The following EFNA5 variants were observed in gnomAD, a reference collection of about 807,000 sequenced individuals.
The protein encoded by EFNA5 is ephrin A5.
Under a neutral mutation model 22.9 loss-of-function variants are expected in EFNA5, and 5 were observed. That is an observed-to-expected ratio of 0.22 (90% CI 0.11 to 0.46). The LOEUF (loss-of-function observed/expected upper bound fraction) is 0.46. EFNA5 is among the 20% of genes least tolerant of loss of function. The pLI is 0.99. For missense variants in EFNA5, 237 were observed against 293.3 expected (o/e 0.81, Z 1.40); for synonymous variants, 113 against 112.2 (o/e 1.01, Z -0.04).
intron 1 of EFNA5, among the ~76,000 whole-genome samples, chr5:107,517,158 TAAA>T (rs76124762): frequency 2.2e-5 from 3 of 136,296 alleles, no homozygotes; most frequent in African/African-American, 5.4e-5. Context: ...ACACTGTTAC[TAAA>T]AAAAAAAAAA....
chr5:107,420,182 T>C (rs1374806916), intron 2 of EFNA5, among the ~76,000 whole-genome samples: 1 of 152,124 alleles, frequency 6.6e-6, no homozygotes, highest in Non-Finnish European at 1.5e-5. Flanking sequence ...CTTAAGAATA[T>C]AGGAAATGGT....
intron 1 of EFNA5, among the ~76,000 whole-genome samples, chr5:107,546,897 T>G (rs1748170685): frequency 6.6e-6 from 1 of 152,172 alleles, no homozygotes; most frequent in African/African-American, 2.4e-5. Context: ...TGTTCTAACA[T>G]GCCAATGAAT....
intron 1 of EFNA5, among the ~76,000 whole-genome samples, chr5:107,465,379 C>T (rs1425298841): frequency 6.6e-6 from 1 of 152,100 alleles, no homozygotes; most frequent in Non-Finnish European, 1.5e-5. Context: ...TTATGTAGAA[C>T]ATTAGAAGAG....
chr5:107,408,566 A>G (rs1436548099), intron 2 of EFNA5, among the ~76,000 whole-genome samples: 1 of 152,224 alleles, frequency 6.6e-6, no homozygotes, highest in East Asian at 1.9e-4. Flanking sequence ...CAAGGGGATA[A>G]AACCAACATT....
intron 1 of EFNA5, among the ~76,000 whole-genome samples, chr5:107,568,647 T>C (rs926771764): frequency 4.6e-5 from 7 of 152,190 alleles, no homozygotes; most frequent in Non-Finnish European, 1.0e-4. Flanking sequence ...GACATAGACA[T>C]AGACTTTCTA....
chr5:107,459,484 C>A (rs1361927409), intron 1 of EFNA5, among the ~76,000 whole-genome samples: 1 of 151,982 alleles, frequency 6.6e-6, no homozygotes, highest in African/African-American at 2.4e-5. Flanking sequence ...ATCCTATGTT[C>A]ATGTTTTATA....
chr5:107,566,761 T>C (rs1417455195), intron 1 of EFNA5, among the ~76,000 whole-genome samples: 3 of 152,166 alleles, frequency 2.0e-5, no homozygotes. Context: ...ACCATTTGGG[T>C]TTTAGGTTTT....
chr5:107,414,182 G>A (rs905991549), intron 2 of EFNA5, among the ~76,000 whole-genome samples: 9 of 152,310 alleles, frequency 5.9e-5, no homozygotes, highest in African/African-American at 1.9e-4. Flanking sequence ...CTTTATGGAA[G>A]TGGGTTCCAA....
chr5:107,436,824 C>T (rs1382230235), intron 1 of EFNA5, among the ~76,000 whole-genome samples: 1 of 152,188 alleles, frequency 6.6e-6, no homozygotes, highest in Admixed American at 6.5e-5. Flanking sequence ...ACCTGTCAAA[C>T]TGCTTACTTC....
chr5:107,555,141 A>C (rs1198408900), intron 1 of EFNA5, among the ~76,000 whole-genome samples: 1 of 152,240 alleles, frequency 6.6e-6, no homozygotes, highest in Non-Finnish European at 1.5e-5. Flanking sequence ...GAGCAGCTTT[A>C]AAAATAATGA....
chr5:107,495,011 C>T (rs1179288596), intron 1 of EFNA5, among the ~76,000 whole-genome samples: 1 of 152,084 alleles, frequency 6.6e-6, no homozygotes, highest in African/African-American at 2.4e-5. Context: ...CAATCAGTGC[C>T]CTGTCAAAAC....
At position 107,379,950 on chromosome 5, in the gene EFNA5, T is replaced by C. The variant is rs1747391837; in HGVS notation, c.*1305A>G. ...AAAGTCTTTGGGACTCCATCTTGTTTATCTCCCACAGATAAACACATGTTC... is the reference window on the plus strand; with the variant it reads ...AAAGTCTTTGGGACTCCATCTTGTTCATCTCCCACAGATAAACACATGTTC... On this transcript the variant is annotated 3_prime_UTR_variant, in exon 5 of 5. Transcript: ENST00000333274. The C allele has an allele frequency of 6.6e-6, 1 of 152,234 alleles. No individual in the cohort carries two copies. Among genetic ancestry groups the C allele is most frequent in the South Asian group, 2.1e-4 (1 of 4,834 alleles). The allele number at this position is 152,234 out of a possible 1,614,324, so 9.4% of individuals were successfully genotyped here. A position where few individuals can be genotyped will look rare whatever the true frequency, so the allele number is the denominator to read the frequency against.
intron 1 of EFNA5, among the ~76,000 whole-genome samples, chr5:107,562,342 G>A (rs1039178436): frequency 2.0e-5 from 3 of 151,822 alleles, no homozygotes; most frequent in East Asian, 1.9e-4. Context: ...TCCGCCCATC[G>A]TCTGTCTCTC....
chr5:107,637,421 A>G lies in EFNA5; in HGVS notation c.125+33068T>C, dbSNP rs1325048799. Among the ~76,000 whole-genome samples the G allele has an allele frequency of 1.3e-5, 2 of 152,138 alleles. 1 individual carries two copies. Among genetic ancestry groups the G allele is most frequent in the Non-Finnish European group, 2.9e-5 (2 of 68,026 alleles). ...CCTCAATTCATTGGAGAATGCTAAC[A>G]GGAGATGAATAAGGCTTCAGAGAGA... On this transcript the variant is annotated intron_variant, in intron 1 of 4. Transcript: ENST00000333274.
intron 1 of EFNA5, among the ~76,000 whole-genome samples, chr5:107,608,426 C>T (rs1460407746): frequency 3.3e-5 from 5 of 152,236 alleles, no homozygotes. Context: ...CGTAAAAATT[C>T]ACTGCTCAAA....
chr5:107,583,913 A>G (rs999049445), intron 1 of EFNA5, among the ~76,000 whole-genome samples: 2 of 152,160 alleles, frequency 1.3e-5, no homozygotes, highest in Non-Finnish European at 1.5e-5. Context: ...AAATCCAGGT[A>G]GGTTTTCTGG....
chr5:107,448,022 T>C (rs536005414), intron 1 of EFNA5, among the ~76,000 whole-genome samples: 1 of 151,906 alleles, frequency 6.6e-6, no homozygotes, highest in East Asian at 1.9e-4. Flanking sequence ...AATTTTTGAC[T>C]CCTAACCTCA....
At chr5:107,497,651 G>A (rs1361165232) in intron 1 of EFNA5, among the ~76,000 whole-genome samples, 1 of 152,158 alleles carries the variant, frequency 6.6e-6, no homozygotes, top group African/African-American at 2.4e-5. Flanking sequence ...TTAAATCTGA[G>A]GCTATAGACC....
intron 2 of EFNA5, among the ~76,000 whole-genome samples, chr5:107,407,242 G>A (rs999580742): frequency 6.6e-6 from 1 of 152,242 alleles, no homozygotes; most frequent in Non-Finnish European, 1.5e-5. Flanking sequence ...CAGTAATGCC[G>A]AGTAGGAGCA....
Sources: allele counts gnomAD v4.1 joint callset (sites outside exome capture counted in the v4.1 genomes callset), GRCh38; gene constraint gnomAD v4.1.1; transcripts MANE v1.5; gene names NCBI Gene and HGNC (gene_info 2026-07-23, HGNC 2026-07-21).